Variants in MICALL1 observed in about 807,000 individuals in gnomAD.
MICALL1 encodes the protein MICAL-like protein 1.
MICALL1 carries 61 observed loss-of-function variants against 83.7 expected under a neutral mutation model. The ratio of observed to expected loss-of-function variants is 0.73; its 90% CI spans 0.59 to 0.90. MICALL1 has a LOEUF of 0.90. MICALL1 is among the 40% of genes least tolerant of loss of function. The pLI is 0.00. For missense variants in MICALL1, 1,066 were observed against 1,152.0 expected (o/e 0.93, Z 1.08); for synonymous variants, 481 against 473.6 (o/e 1.02, Z -0.20).
chr22:37,925,212 A>C (rs1327531619), intron 7 of MICALL1, among the ~76,000 whole-genome samples: 2 of 152,120 alleles, frequency 1.3e-5, no homozygotes, highest in African/African-American at 4.8e-5. Flanking sequence ...TGGCTGTGCC[A>C]GTTGTTAACG....
intron 15 of MICALL1, among the ~76,000 whole-genome samples, chr22:37,940,377 C>T (rs139814775): frequency 2.0e-5 from 3 of 151,832 alleles, no homozygotes; most frequent in Admixed American, 6.6e-5. Context: ...GGGCCAAGAT[C>T]GCGTCATTGC....
chr22:37,934,752 A>C (rs1378471025), intron 13 of MICALL1, among the ~76,000 whole-genome samples: 28 of 135,672 alleles, frequency 2.1e-4, no homozygotes, highest in Middle Eastern at 4.9e-3. Context: ...GCCTGCCACC[A>C]CGCCCGGCTA....
Position 37,924,610 on chromosome 22 carries a change from C to T in MICALL1, c.1025-50C>T. 1 of 1,581,418 alleles carries T rather than the reference C, an allele frequency of 6.3e-7. No individual in the cohort carries two copies. The highest frequency in any genetic ancestry group is 8.6e-7 in the Non-Finnish European group (1 of 1,158,292). The stretch of plus-strand genomic sequence containing the variant: ...GTGCTGTGGCTGGCTCCCTGGGTGC[C>T]CACCTCCTGCTGCCCATGAAGGCCT... On this transcript the variant is annotated intron_variant, in intron 6 of 15. Transcript: ENST00000215957. This position sits in a 1 kb window ranked among gnomAD's most constrained non-coding sequence, Gnocchi z 5.2.
At chr22:37,937,274 C>T in intron 14 of MICALL1, 80 bp downstream of exon 14, 1 of 1,196,798 alleles carries the variant, frequency 8.4e-7, no homozygotes, top group Non-Finnish European at 1.2e-6. Context: ...GGGGCAGCTC[C>T]CTGGAGAGCC....
Position 37,931,475 on chromosome 22 carries a change from GC to G in MICALL1, c.1882-320del, listed in dbSNP as rs375737808. Among the ~76,000 whole-genome samples the G allele has an allele frequency of 4.2e-3, 637 of 152,272 alleles. 4 individuals carry two copies. Among genetic ancestry groups the G allele is most frequent in the Non-Finnish European group, 5.8e-3 (397 of 68,006 alleles). On this transcript the variant is annotated intron_variant, in intron 9 of 15. Coordinates refer to ENST00000215957, the MANE Select transcript of MICALL1 (RefSeq NM_033386.4). Reference sequence around the variant, plus strand: ...AGGCTGAGCTGGGAGGATTGCTTGAGCCCCAGGAGGCTGAGGCTGCAGTGCA... The same window carrying G: ...AGGCTGAGCTGGGAGGATTGCTTGAGCCCAGGAGGCTGAGGCTGCAGTGCA...
At chr22:37,927,375 T>TCC in intron 8 of MICALL1, 36 bp from the exon 9 acceptor site, 1 of 1,520,444 alleles carries the variant, frequency 6.6e-7, no homozygotes. Flanking sequence ...CTTGTGGTGC[T>TCC]CCCCTTGTGA....
At chr22:37,939,356 A>T (rs1433183243) in intron 15 of MICALL1, among the ~76,000 whole-genome samples, 2 of 152,236 alleles carry the variant, frequency 1.3e-5, no homozygotes, top group South Asian at 2.1e-4. Context: ...TCAAAGGCCT[A>T]CATTTTCCTT....
chr22:37,939,325 C>T (rs758036059), intron 15 of MICALL1, among the ~76,000 whole-genome samples: 8 of 152,178 alleles, frequency 5.3e-5, no homozygotes, highest in Non-Finnish European at 7.3e-5. Flanking sequence ...CTACAAAGGG[C>T]TCAGTTGGTA....
intron 6 of MICALL1, 23 bp downstream of exon 6, chr22:37,922,449 A>T (rs1929111390): frequency 6.8e-7 from 1 of 1,479,636 alleles, no homozygotes; most frequent in Non-Finnish European, 8.9e-7. Context: ...CAGTCAGGGC[A>T]GGGGGCACCG....
At chr22:37,922,512 G>GC in intron 6 of MICALL1, 86 bp downstream of exon 6, 1 of 1,057,882 alleles carries the variant, frequency 9.5e-7, no homozygotes, top group East Asian at 2.6e-5. Context: ...GTGTTGGTGG[G>GC]CCCCTCTCCA....
At chr22:37,927,357 T>TG (rs1440849749) in intron 8 of MICALL1, 54 bp from the exon 9 acceptor site, 2 of 1,480,466 alleles carry the variant, frequency 1.4e-6, no homozygotes, top group Non-Finnish European at 1.8e-6. Context: ...GAGGTGGGGC[T>TG]GGAAGCCCTT....
At chr22:37,907,982 T>C (rs73413963) in intron 1 of MICALL1, among the ~76,000 whole-genome samples, 8,099 of 152,156 alleles carry the variant, frequency 0.053, 705 homozygotes, top group African/African-American at 0.18. Flanking sequence ...TCTGTTTTGT[T>C]TGAGGGGCAG....
At position 37,937,912 on chromosome 22, in the gene MICALL1, C is replaced by G. The variant is rs932316728; in HGVS notation, c.2470+120C>G. 46 of 1,215,604 alleles carry G rather than the reference C, an allele frequency of 3.8e-5. No homozygotes were observed. The African/African-American group carries it at 5.0e-4, about 13-fold the overall frequency. The allele number at this position is 1,215,604 out of a possible 1,614,324, so 75.3% of individuals were successfully genotyped here. A position where few individuals can be genotyped will look rare whatever the true frequency, so the allele number is the denominator to read the frequency against. ...CACTACCAGGATGGCTGTGCACAAACTCCGCAGCCTCTGTTGTGCAGAGAG... is the reference window on the plus strand; with the variant it reads ...CACTACCAGGATGGCTGTGCACAAAGTCCGCAGCCTCTGTTGTGCAGAGAG... On this transcript the variant is annotated intron_variant, in intron 15 of 15. Transcript: ENST00000215957.
Position 37,906,842 on chromosome 22 carries a change from G to T in MICALL1, c.146+274G>T, listed in dbSNP as rs997021675. ...CGGGGACACTGGCCCCGCCCACAAA[G>T]CGCTGATTTCCGCCGAGGATCGCTG... On this transcript the variant is annotated intron_variant, in intron 1 of 15. Transcript: ENST00000215957. This position sits in a 1 kb window ranked among gnomAD's most constrained non-coding sequence, Gnocchi z 4.4. 6 of 180,484 alleles carry T rather than the reference G, an allele frequency of 3.3e-5. No individual in the cohort carries two copies. The highest frequency in any genetic ancestry group is 1.4e-4 in the African/African-American group (6 of 42,376). 11.2% of individuals were successfully genotyped at this position (180,484 alleles called of 1,614,324 possible).
rs1929994321 is a variant in MICALL1, at chr22:37,934,699, C to A, written c.2308+1587C>A. Among the ~76,000 whole-genome samples the A allele has an allele frequency of 2.7e-5, 4 of 149,720 alleles. No individual in the cohort carries two copies. The East Asian group carries it at 8.0e-4, about 30-fold the overall frequency. ...GCAAGCTCTGCCTCCCGGGTTCACG[C>A]CATTTTCCTGCCTGAGCCTCCCAAG... On this transcript the variant is annotated intron_variant, in intron 13 of 15. Transcript: ENST00000215957.
intron 8 of MICALL1, 72 bp from the exon 9 acceptor site, chr22:37,927,339 G>A (rs1253926027): frequency 3.5e-6 from 5 of 1,437,086 alleles, no homozygotes; most frequent in Non-Finnish European, 4.6e-6. Flanking sequence ...TGTTGAGAGT[G>A]GAGCCGGGAG....
chr22:37,928,863 C>A (rs1929637453), intron 9 of MICALL1, among the ~76,000 whole-genome samples: 1 of 152,204 alleles, frequency 6.6e-6, no homozygotes, highest in Admixed American at 6.5e-5. Context: ...GTGGCTCACA[C>A]CTGTAATCCC....
intron 7 of MICALL1, 121 bp from the exon 8 acceptor site, chr22:37,925,540 G>A (rs1040430701): frequency 1.2e-4 from 76 of 660,030 alleles, no homozygotes; most frequent in Non-Finnish European, 1.9e-4. Flanking sequence ...ATGGGGGTGG[G>A]AGAAGGGAAA....
chr22:37,931,104 C>G (rs1929761967), intron 9 of MICALL1, among the ~76,000 whole-genome samples: 1 of 152,326 alleles, frequency 6.6e-6, no homozygotes, highest in East Asian at 1.9e-4. Context: ...GATGGCTGCC[C>G]AGGCCCTGAA....
Sources: allele counts gnomAD v4.1 joint callset (sites outside exome capture counted in the v4.1 genomes callset), GRCh38; gene constraint gnomAD v4.1.1; non-coding constraint Gnocchi (gnomAD v3.1); transcripts MANE v1.5; gene names NCBI Gene and HGNC (gene_info 2026-07-23, HGNC 2026-07-21).